The following SRPX2 variants were observed in gnomAD, a reference collection of about 807,000 sequenced individuals.
The protein encoded by SRPX2 is sushi repeat containing protein X-linked 2.
Under a neutral mutation model 45.3 loss-of-function variants are expected in SRPX2, and 26 were observed. That is an observed-to-expected ratio of 0.57 (90% CI 0.42 to 0.80). SRPX2 has a LOEUF of 0.80. Among genes scored for constraint, SRPX2 ranks in the 30% least tolerant of loss-of-function variants. The pLI, the probability that SRPX2 is intolerant of heterozygous loss-of-function variation, is 0.00. For synonymous variants in SRPX2, 125 were observed against 143.7 expected (o/e 0.87, Z 0.93); for missense variants, 355 against 399.8 (o/e 0.89, Z 0.95).
chrX:100,650,789 T>C lies in SRPX2; in HGVS notation c.87T>C (p.Ser29=). ...ATATTGTCTTCCTTATTCTAGGTTC[T>C]GGCTACTATCCGGATGAAAGCTACA... ...PAVTPTWYAG[S]GYYPDESYNE... is the part of the protein sequence containing the mutation. The change falls in exon 3 of 11, where the codon TCT becomes TCC. Residue 29 remains serine (S), a synonymous_variant. Coordinates refer to ENST00000373004, the MANE Select transcript of SRPX2 (RefSeq NM_014467.3). 1 of 1,209,612 alleles carries C rather than the reference T, an allele frequency of 8.3e-7. No homozygotes were observed. Among genetic ancestry groups the C allele is most frequent in the Non-Finnish European group, 1.1e-6 (1 of 893,458 alleles).
chrX:100,665,094 T>G, intron 5 of SRPX2, 144 bp downstream of exon 5: 6 of 1,060,929 alleles, frequency 5.7e-6, no homozygotes, highest in Non-Finnish European at 7.7e-6. Flanking sequence ...CAAAATGATC[T>G]TCTCCCCTGA....
At chrX:100,668,136 C>T (rs185821812) in intron 9 of SRPX2, among the ~76,000 whole-genome samples, 3 of 109,875 alleles carry the variant, frequency 2.7e-5, no homozygotes. Flanking sequence ...ATTATGGGGA[C>T]TTATAAAAGA....
chrX:100,667,362 T>C lies in SRPX2; in HGVS notation c.1050T>C (p.Pro350=). 1 of 1,211,886 alleles carries C rather than the reference T, an allele frequency of 8.3e-7. No individual in the cohort carries two copies. Among genetic ancestry groups the C allele is most frequent in the South Asian group, 1.8e-5 (1 of 56,998 alleles). ...AGCGACTCCTCATCATCTCAGCTCC[T>C]GATCCTTCCAACCGATATTATAAAA... ...EKQRLLIISA[P]DPSNRYYKMQ... is the part of the protein sequence containing the mutation. The change falls in exon 9 of 11, where the codon CCT becomes CCC. Residue 350 remains proline, a synonymous_variant. Transcript: ENST00000373004.
Position 100,671,379 on chromosome X carries a change from T to C in SRPX2, c.*392T>C, listed in dbSNP as rs1352793281. The C allele has an allele frequency of 2.0e-5, 4 of 201,785 alleles. No homozygotes were observed. The East Asian group carries it at 4.4e-4, about 22-fold the overall frequency. The allele number at this position is 201,785 out of a possible 1,213,427, so 16.6% of individuals were successfully genotyped here. On this transcript the variant is annotated 3_prime_UTR_variant, in exon 11 of 11. Coordinates refer to ENST00000373004, the MANE Select transcript of SRPX2 (RefSeq NM_014467.3). ...GCACAACAGAAACCAGCTTACACTT[T>C]AAGCAAGTGTAGCTGGATTTTCCTT... is the stretch of plus-strand genomic sequence containing the variant.
intron 9 of SRPX2, 77 bp from the exon 10 acceptor site, chrX:100,669,171 C>G: frequency 8.4e-7 from 1 of 1,189,143 alleles, no homozygotes; most frequent in Non-Finnish European, 1.1e-6. Context: ...TTCATATGGT[C>G]CCAGGAGGAA....
chrX:100,653,282 T>C (rs2083159239), intron 3 of SRPX2, among the ~76,000 whole-genome samples: 1 of 111,580 alleles, frequency 9.0e-6, no homozygotes, highest in South Asian at 3.8e-4. Flanking sequence ...CTGACCTTCC[T>C]ACTTCTGATA....
In SRPX2 at chrX:100,666,955, G is replaced by A. The variant is rs191936420; in HGVS notation, c.961+22G>A. The A allele has an allele frequency of 3.0e-5, 36 of 1,199,609 alleles. No individual in the cohort carries two copies. The East Asian group carries it at 8.0e-4, about 27-fold the overall frequency. Reference sequence around the variant, plus strand: ...GCTCGTGAGTGAAACCGGGGAATGGGGCAAGTGGATGTGGTGATCAGGGGA... The same window carrying A: ...GCTCGTGAGTGAAACCGGGGAATGGAGCAAGTGGATGTGGTGATCAGGGGA... On this transcript the variant is annotated intron_variant, in intron 8 of 10. Coordinates refer to ENST00000373004, the MANE Select transcript of SRPX2 (RefSeq NM_014467.3).
chrX:100,668,646 C>G (rs1303421642), intron 9 of SRPX2, among the ~76,000 whole-genome samples: 3 of 112,061 alleles, frequency 2.7e-5, no homozygotes, highest in Non-Finnish European at 5.6e-5. Flanking sequence ...GGACTGCAAG[C>G]TGCACTGCCC....
At chrX:100,670,071 C>T (rs1016938872) in intron 10 of SRPX2, among the ~76,000 whole-genome samples, 1 of 111,573 alleles carries the variant, frequency 9.0e-6, no homozygotes, top group Non-Finnish European at 1.9e-5. Context: ...CATGCCTGGC[C>T]GCAAAAGGCA....
At chrX:100,670,024 C>T (rs1019491851) in intron 10 of SRPX2, among the ~76,000 whole-genome samples, 1 of 110,848 alleles carries the variant, frequency 9.0e-6, no homozygotes, top group African/African-American at 3.3e-5. Flanking sequence ...TGCCCACCTC[C>T]GCCTCCCAAC....
intron 3 of SRPX2, among the ~76,000 whole-genome samples, chrX:100,651,547 G>A (rs759226800): frequency 2.6e-3 from 285 of 110,722 alleles, no homozygotes; most frequent in Non-Finnish European, 3.5e-3. Context: ...TTGGGAGGCC[G>A]AGATAGGTGG....
Position 100,673,318 on chromosome X carries a change from ATAGTC to A in SRPX2, c.*2332_*2336del, listed in dbSNP as rs2083236989. ...GAGCTTTTGTTTCATTTCATTTTGA[ATAGTC>A]AAGTCAGTCTTGCTTTCTTTAGGTA... On this transcript the variant is annotated 3_prime_UTR_variant, in exon 11 of 11. Transcript: ENST00000373004. 8.9e-6 allele frequency: 1 copy of A among 112,115 alleles called. No individual in the cohort carries two copies. The highest frequency in any genetic ancestry group is 3.2e-5 in the African/African-American group (1 of 30,844). 9.2% of individuals were successfully genotyped at this position (112,115 alleles called of 1,213,427 possible). A position where few individuals can be genotyped will look rare whatever the true frequency, so the allele number is the denominator to read the frequency against.
chrX:100,662,106 T>C, intron 3 of SRPX2, 70 bp from the exon 4 acceptor site: 1 of 1,094,783 alleles, frequency 9.1e-7, no homozygotes, highest in Non-Finnish European at 1.3e-6. Flanking sequence ...ATTGACCTAT[T>C]TGTCTTTTCA....
chrX:100,674,930 C>T lies in SRPX2; in HGVS notation c.*3943C>T, dbSNP rs1160255338. On this transcript the variant is annotated 3_prime_UTR_variant, in exon 11 of 11. Transcript: ENST00000373004. ...CAATAGCAAAAACAGGAACTGAAAG[C>T]TCATCAAGCAGGAAGTCAGAATAAC... The T allele has an allele frequency of 9.0e-6, 1 of 111,624 alleles. No individual in the cohort carries two copies. Among genetic ancestry groups the T allele is most frequent in the African/African-American group, 3.3e-5 (1 of 30,701 alleles). 9.2% of individuals were successfully genotyped at this position (111,624 alleles called of 1,213,427 possible).
chrX:100,668,414 A>G (rs755057727), intron 9 of SRPX2, among the ~76,000 whole-genome samples: 1 of 110,195 alleles, frequency 9.1e-6, no homozygotes, highest in South Asian at 4.0e-4. Flanking sequence ...GAGATCCAAA[A>G]AGACTGACAA....
In SRPX2 at chrX:100,670,827, G is replaced by A. The variant is rs761966457; in HGVS notation, c.1238G>A (p.Arg413His). The change falls in exon 11 of 11, where the codon CGC (arginine) becomes CAC (histidine). Residue 413 changes from arginine to histidine, a missense_variant. Transcript: ENST00000373004. ...TCTAGGCAATTTCAGCGCCTCACTC[G>A]CTCCTACTTCAACATGGTGTTGATT... is the stretch of plus-strand genomic sequence containing the variant. Reference protein sequence around the residue: ...EELRQFQRLTRSYFNMVLIDK... With the variant: ...EELRQFQRLTHSYFNMVLIDK... 3.4e-5 allele frequency: 41 copies of A among 1,209,214 alleles called. No homozygotes were observed. In the South Asian group the frequency reaches 6.3e-4, roughly 19 times the overall value.
At position 100,675,224 on chromosome X, in the gene SRPX2, G is replaced by A. The variant is rs972450301; in HGVS notation, c.*4237G>A. On this transcript the variant is annotated 3_prime_UTR_variant, in exon 11 of 11. Transcript: ENST00000373004. ...ATGCAGAAAATTCAGCATGGGCTGT[G>A]AGACACTTTACCCTCAGTCACTCTG... is the stretch of plus-strand genomic sequence containing the variant. The A allele has an allele frequency of 8.9e-6, 1 of 112,816 alleles. No individual in the cohort carries two copies. Among genetic ancestry groups the A allele is most frequent in the Non-Finnish European group, 1.9e-5 (1 of 53,326 alleles). The allele number at this position is 112,816 out of a possible 1,213,427, so 9.3% of individuals were successfully genotyped here. A position where few individuals can be genotyped will look rare whatever the true frequency, so the allele number is the denominator to read the frequency against.
chrX:100,670,820 C>T lies in SRPX2; in HGVS notation c.1231C>T (p.Leu411Phe). 2 of 1,211,499 alleles carry T rather than the reference C, an allele frequency of 1.7e-6. No homozygotes were observed. Among genetic ancestry groups the T allele is most frequent in the East Asian group, 3.0e-5 (1 of 33,811 alleles). Residue 411 changes from leucine (L) to phenylalanine (F), a missense_variant, in exon 11 of 11, where the codon CTC (leucine) becomes TTC (phenylalanine). Coordinates refer to ENST00000373004, the MANE Select transcript of SRPX2 (RefSeq NM_014467.3). ...IIEELRQFQR[L>F]TRSYFNMVLI... ...TGTTCTCTCTAGGCAATTTCAGCGC[C>T]TCACTCGCTCCTACTTCAACATGGT...
chrX:100,652,828 A>G (rs958807905), intron 3 of SRPX2, among the ~76,000 whole-genome samples: 1 of 111,095 alleles, frequency 9.0e-6, no homozygotes, highest in Admixed American at 9.6e-5. Context: ...TCCCTGCCAA[A>G]TGGTGCATAC....
Sources: gnomAD v4.1 joint callset for allele counts (sites outside exome capture counted in the v4.1 genomes callset) on GRCh38, gnomAD v4.1.1 for gene constraint, MANE v1.5 for transcripts, NCBI Gene and HGNC (gene_info 2026-07-23, HGNC 2026-07-21) for gene names.